NFIC: variants seen among roughly 807,000 people sequenced by gnomAD.
The protein encoded by NFIC is nuclear factor 1 C-type.
Under a neutral mutation model 54.4 loss-of-function variants are expected in NFIC, and 12 were observed. The observed-to-expected ratio is 0.22, with a 90% CI of 0.14 to 0.36. The LOEUF is 0.36. Among genes scored for constraint, NFIC ranks in the 10% least tolerant of loss-of-function variants. The pLI is 1.00. For missense variants in NFIC, 575 were observed against 718.2 expected, an observed-to-expected ratio of 0.80 and a Z score of 2.28; for synonymous variants, 322 against 319.2, an observed-to-expected ratio of 1.01 and a Z score of -0.09.
upstream of NFIC, among the ~76,000 whole-genome samples, chr19:3,366,229 G>A (rs1019601882): frequency 4.0e-5 from 6 of 151,504 alleles, no homozygotes; most frequent in East Asian, 2.0e-4. Flanking sequence ...GGGGCATTGC[G>A]TAAATACGGG....
chr19:3,468,667 TTGGG>T lies in NFIC; in HGVS notation c.*5902_*5905del, dbSNP rs2082748981. On this transcript the variant is annotated 3_prime_UTR_variant, in exon 11 of 11. Coordinates refer to ENST00000443272, the MANE Select transcript of NFIC (RefSeq NM_001245002.2). ...CTTTCTTTTTTCTCCCCTTTACTCTTTGGGTGGTGTTGCTTTTCCTTTCCTTTTC... is the reference window on the plus strand; with the variant it reads ...CTTTCTTTTTTCTCCCCTTTACTCTTTGGTGTTGCTTTTCCTTTCCTTTTC... The T allele has an allele frequency of 1.3e-5, 2 of 152,122 alleles. No individual in the cohort carries two copies. The highest frequency in any genetic ancestry group is 4.8e-5 in the African/African-American group (2 of 41,418). The allele number at this position is 152,122 out of a possible 1,614,324, so 9.4% of individuals were successfully genotyped here.
intron 3 of NFIC, 112 bp from the exon 4 acceptor site, chr19:3,433,406 A>G: frequency 2.8e-6 from 3 of 1,062,716 alleles, no homozygotes; most frequent in Non-Finnish European, 4.2e-6. Context: ...CAGGATGGAC[A>G]GGGGGAACGT....
chr19:3,441,496 T>C (rs897530703), intron 6 of NFIC, among the ~76,000 whole-genome samples: 4 of 152,242 alleles, frequency 2.6e-5, no homozygotes, highest in African/African-American at 9.6e-5. Context: ...TTCCTGGGCC[T>C]CTCCCCATCG....
At chr19:3,418,576 G>T (rs1353725470) in intron 2 of NFIC, among the ~76,000 whole-genome samples, 1 of 152,172 alleles carries the variant, frequency 6.6e-6, no homozygotes, top group African/African-American at 2.4e-5. Flanking sequence ...GGCTGGCCGG[G>T]CGTGGTGGCT....
chr19:3,425,213 G>T (rs775928191), intron 3 of NFIC, 36 bp downstream of exon 3: 1 of 1,591,888 alleles, frequency 6.3e-7, no homozygotes. Context: ...GAAGGGCGGA[G>T]GGCGCAGCCC....
chr19:3,375,521 G>C lies in NFIC; in HGVS notation c.31-6191G>C, dbSNP rs894202367. Reference sequence around the variant, plus strand: ...GACGAGATTGGACAGGGCCTGGGCCGGGCCCCCTCCACCTCCCCTTTGCCT... The same window carrying C: ...GACGAGATTGGACAGGGCCTGGGCCCGGCCCCCTCCACCTCCCCTTTGCCT... On this transcript the variant is annotated intron_variant, in intron 1 of 10. Coordinates refer to ENST00000443272, the MANE Select transcript of NFIC (RefSeq NM_001245002.2). The surrounding 1 kb of genome is among the most constrained non-coding windows in gnomAD (Gnocchi z 4.6). Among the ~76,000 whole-genome samples the C allele has an allele frequency of 6.6e-6, 1 of 152,204 alleles. No individual in the cohort carries two copies. Among genetic ancestry groups the C allele is most frequent in the Admixed American group, 6.5e-5 (1 of 15,280 alleles).
Position 3,435,074 on chromosome 19 carries a change from G to T in NFIC, c.834-9G>T. On this transcript the variant is annotated splice_polypyrimidine_tract_variant and intron_variant, in intron 5 of 10. Transcript: ENST00000443272. Reference sequence around the variant, plus strand: ...GGTAACCAGCCTCTCCCCTTCCCTCGCCCATAAGGAGCAAGCGGCACAAAT... The same window carrying T: ...GGTAACCAGCCTCTCCCCTTCCCTCTCCCATAAGGAGCAAGCGGCACAAAT... 1 of 1,579,136 alleles carries T rather than the reference G, an allele frequency of 6.3e-7. No individual in the cohort carries two copies. The highest frequency in any genetic ancestry group is 8.6e-7 in the Non-Finnish European group (1 of 1,157,340).
intron 2 of NFIC, among the ~76,000 whole-genome samples, chr19:3,396,481 A>AAG (rs1308540555): frequency 1.3e-5 from 2 of 151,680 alleles, no homozygotes; most frequent in Non-Finnish European, 2.9e-5. Context: ...CAAAAAAAAA[A>AAG]AAAAAAAAAA....
chr19:3,389,379 T>A (rs2081345301), intron 2 of NFIC, among the ~76,000 whole-genome samples: 1 of 152,144 alleles, frequency 6.6e-6, no homozygotes, highest in Non-Finnish European at 1.5e-5. Context: ...AGGGGCGGCC[T>A]TGTGGGCCAC....
chr19:3,395,483 C>T (rs192666816), intron 2 of NFIC, among the ~76,000 whole-genome samples: 1 of 143,624 alleles, frequency 7.0e-6, no homozygotes, highest in Non-Finnish European at 1.5e-5. Flanking sequence ...GCGCATACCA[C>T]CATGGTTGAT....
At chr19:3,374,254 G>A (rs888048681) in intron 1 of NFIC, among the ~76,000 whole-genome samples, 1 of 152,158 alleles carries the variant, frequency 6.6e-6, no homozygotes, top group Non-Finnish European at 1.5e-5. Context: ...GCAAGGTCTT[G>A]GGTCCAGATG....
intron 4 of NFIC, 121 bp downstream of exon 4, chr19:3,433,713 G>A: frequency 1.8e-6 from 2 of 1,130,144 alleles, no homozygotes; most frequent in South Asian, 1.3e-5. Flanking sequence ...GTGTCACTAA[G>A]CCAAGGTTCC....
intron 1 of NFIC, among the ~76,000 whole-genome samples, chr19:3,361,195 C>T (rs2080806554): frequency 6.6e-6 from 1 of 152,180 alleles, no homozygotes. Context: ...GGCACGCAGA[C>T]GTCGCTCGCC....
chr19:3,438,251 T>C (rs1359113380), intron 6 of NFIC, among the ~76,000 whole-genome samples: 1 of 151,004 alleles, frequency 6.6e-6, no homozygotes, highest in Non-Finnish European at 1.5e-5. Context: ...TGGCAACCCC[T>C]TCCACTGGGG....
chr19:3,454,470 G>A (rs1390577911), intron 9 of NFIC: 1 of 161,454 alleles, frequency 6.2e-6, no homozygotes, highest in African/African-American at 2.4e-5. Context: ...ACCTGACCTG[G>A]AAGCCCCTGG....
At chr19:3,423,103 C>T (rs780405187) in intron 2 of NFIC, among the ~76,000 whole-genome samples, 4 of 152,052 alleles carry the variant, frequency 2.6e-5, no homozygotes, top group African/African-American at 9.7e-5. Context: ...GAGGCTGAAG[C>T]GGGAGAATCA....
At chr19:3,412,161 C>T (rs924584979) in intron 2 of NFIC, among the ~76,000 whole-genome samples, 1 of 152,230 alleles carries the variant, frequency 6.6e-6, no homozygotes, top group Non-Finnish European at 1.5e-5. Flanking sequence ...TAGCTCACTG[C>T]AGCCTGGAGC....
At chr19:3,446,294 A>G (rs761671130) in intron 6 of NFIC, among the ~76,000 whole-genome samples, 8 of 152,150 alleles carry the variant, frequency 5.3e-5, no homozygotes, top group South Asian at 4.1e-4. Context: ...TGGAGGGTCC[A>G]TGGGATCCCC....
In NFIC at chr19:3,463,544, C is replaced by A. The variant is rs376897288; in HGVS notation, c.*775C>A. The A allele has an allele frequency of 1.0e-6, 1 of 984,956 alleles. No homozygotes were observed. The highest frequency in any genetic ancestry group is 1.2e-6 in the Non-Finnish European group (1 of 829,846). The allele number at this position is 984,956 out of a possible 1,614,324, so 61.0% of individuals were successfully genotyped here. On this transcript the variant is annotated 3_prime_UTR_variant, in exon 11 of 11. Coordinates refer to ENST00000443272, the MANE Select transcript of NFIC (RefSeq NM_001245002.2). ...GCCCCTCCCAAAGCGCCGGCCGACT[C>A]GCTGTCTCGCTGGGGACTCTTTCAG...
Sources: gnomAD v4.1 joint callset for allele counts (sites outside exome capture counted in the v4.1 genomes callset) on GRCh38, gnomAD v4.1.1 for gene constraint, Gnocchi (gnomAD v3.1) non-coding constraint, MANE v1.5 for transcripts, NCBI Gene and HGNC (gene_info 2026-07-23, HGNC 2026-07-21) for gene names.